The following SEC24B variants were observed in gnomAD, a reference collection of about 807,000 sequenced individuals.
SEC24B encodes the protein protein transport protein Sec24B.
SEC24B carries 45 observed loss-of-function variants against 142.8 expected under a neutral mutation model. That is an observed-to-expected ratio of 0.32 (90% CI 0.25 to 0.40). The LOEUF (loss-of-function observed/expected upper bound fraction) is 0.40, where lower values mean the gene tolerates loss of function less well. Among genes scored for constraint, SEC24B ranks in the 10% least tolerant of loss-of-function variants. SEC24B has a pLI of 1.00. For missense variants in SEC24B, 1,409 were observed against 1,526.8 expected, an observed-to-expected ratio of 0.92 and a Z score of 1.29; for synonymous variants, 574 against 568.2, an observed-to-expected ratio of 1.01 and a Z score of -0.15.
chr4:109,453,806 T>G (rs1730384669), intron 1 of SEC24B, among the ~76,000 whole-genome samples: 1 of 152,168 alleles, frequency 6.6e-6, no homozygotes, highest in Admixed American at 6.5e-5. Context: ...CTATGAGATC[T>G]TCACAATTTA....
intron 22 of SEC24B, among the ~76,000 whole-genome samples, chr4:109,535,316 A>C (rs771912977): frequency 6.6e-6 from 1 of 150,788 alleles, no homozygotes; most frequent in Non-Finnish European, 1.5e-5. Context: ...CACTTTGGGA[A>C]GCCTAGGTGG....
Position 109,492,152 on chromosome 4 carries a change from T to TAA in SEC24B, c.1246+758_1246+759dup, listed in dbSNP as rs373315850. ...AATTGAAGTTGGAATGTTCTATACTTAAAAAAAAAAAAAACCCATGCTATC... is the reference window on the plus strand; with the variant it reads ...AATTGAAGTTGGAATGTTCTATACTTAAAAAAAAAAAAAAAACCCATGCTATC... On this transcript the variant is annotated intron_variant, in intron 5 of 23. Coordinates refer to ENST00000265175, the MANE Select transcript of SEC24B (RefSeq NM_006323.5). Among the ~76,000 whole-genome samples, 446 of 142,236 alleles carry TAA rather than the reference T, an allele frequency of 3.1e-3. 3 individuals carry two copies. Among genetic ancestry groups the TAA allele is most frequent in the African/African-American group, 0.01 (403 of 39,332 alleles). The allele number at this position is 142,236 out of a possible 152,430, so 93.3% of individuals were successfully genotyped here. A position where few individuals can be genotyped will look rare whatever the true frequency, so the allele number is the denominator to read the frequency against.
intron 18 of SEC24B, among the ~76,000 whole-genome samples, chr4:109,528,283 G>T (rs1252906860): frequency 6.6e-6 from 1 of 151,982 alleles, no homozygotes; most frequent in African/African-American, 2.4e-5. Context: ...AAAATTAGCT[G>T]GGCGTGGTGC....
At position 109,539,938 on chromosome 4, in the gene SEC24B, C is replaced by T. The variant is rs1328007547; in HGVS notation, c.*263C>T. ...ACACATTTCCAGTAGTATGGCAGTA[C>T]AGTGCTCTGTTCATTGCAAGCTGGC... On this transcript the variant is annotated 3_prime_UTR_variant, in exon 24 of 24. Transcript: ENST00000265175. 3 of 378,128 alleles carry T rather than the reference C, an allele frequency of 7.9e-6. No homozygotes were observed. Among genetic ancestry groups the T allele is most frequent in the African/African-American group, 4.2e-5 (2 of 47,698 alleles). The allele number at this position is 378,128 out of a possible 1,614,324, so 23.4% of individuals were successfully genotyped here.
At chr4:109,457,993 G>A (rs1488453621) in intron 1 of SEC24B, among the ~76,000 whole-genome samples, 2 of 152,050 alleles carry the variant, frequency 1.3e-5, no homozygotes, top group Non-Finnish European at 2.9e-5. Flanking sequence ...TCTTTTAGCG[G>A]GCCACTCTTT....
At chr4:109,474,582 G>T (rs570168827) in intron 3 of SEC24B, among the ~76,000 whole-genome samples, 10 of 152,036 alleles carry the variant, frequency 6.6e-5, no homozygotes, top group Middle Eastern at 3.4e-3. Flanking sequence ...ACGCCACCTC[G>T]CCCTGCTAAT....
At chr4:109,436,562 G>A (rs1728427207) in intron 1 of SEC24B, among the ~76,000 whole-genome samples, 1 of 152,210 alleles carries the variant, frequency 6.6e-6, no homozygotes, top group Admixed American at 6.5e-5. Flanking sequence ...TAAAACCCTT[G>A]TAATTTCCTG....
intron 7 of SEC24B, among the ~76,000 whole-genome samples, chr4:109,509,215 C>G (rs1419250004): frequency 6.6e-6 from 1 of 152,104 alleles, no homozygotes; most frequent in Non-Finnish European, 1.5e-5. Context: ...GAAGCAGGAA[C>G]AAGCTTTTTG....
At position 109,433,995 on chromosome 4, in the gene SEC24B, G is replaced by C. The variant is rs1379241293; in HGVS notation, c.126G>C (p.Gln42His). 8.5e-7 allele frequency: 1 copy of C among 1,177,786 alleles called. No individual in the cohort carries two copies. The highest frequency in any genetic ancestry group is 1.6e-5 in the African/African-American group (1 of 61,892). The allele number at this position is 1,177,786 out of a possible 1,614,324, so 73.0% of individuals were successfully genotyped here. Reference protein sequence around the residue: ...AGPGAGPAPHQQNGPAQNQMQ... With the variant: ...AGPGAGPAPHHQNGPAQNQMQ... ...CGGGTGCGGGCCCGGCGCCGCACCA[G>C]CAGAACGGTGAGGCGGGCGGCCCGG... is the stretch of plus-strand genomic sequence containing the variant. Residue 42 changes from glutamine to histidine, a missense_variant, in exon 1 of 24, where the codon CAG becomes CAC. Gln to His is a conservative substitution (Grantham distance 24). Coordinates refer to ENST00000265175, the MANE Select transcript of SEC24B (RefSeq NM_006323.5).
chr4:109,443,922 G>T (rs1286229569), intron 1 of SEC24B, among the ~76,000 whole-genome samples: 2 of 152,108 alleles, frequency 1.3e-5, no homozygotes, highest in Admixed American at 6.6e-5. Flanking sequence ...GGGAGAGAGA[G>T]TAATGAAAGA....
At chr4:109,461,956 T>C (rs932326515) in intron 1 of SEC24B, among the ~76,000 whole-genome samples, 1 of 151,782 alleles carries the variant, frequency 6.6e-6, no homozygotes, top group Non-Finnish European at 1.5e-5. Flanking sequence ...AGAAAATAAA[T>C]TTAGAAACAT....
At chr4:109,538,678 A>G (rs1725825666) in intron 23 of SEC24B, 82 bp downstream of exon 23, 2 of 775,922 alleles carry the variant, frequency 2.6e-6, no homozygotes, top group Non-Finnish European at 2.2e-6. Flanking sequence ...CAAACTTTAA[A>G]TAGTAGCAAA....
In SEC24B at chr4:109,494,875, A is replaced by G. The variant is rs750673874; in HGVS notation, c.1488+19A>G. The G allele has an allele frequency of 6.2e-7, 1 of 1,612,806 alleles. No homozygotes were observed. Among genetic ancestry groups the G allele is most frequent in the Non-Finnish European group, 8.5e-7 (1 of 1,178,872 alleles). The stretch of plus-strand genomic sequence containing the variant: ...TCCTCAAGTATGTATTCAGTCATAT[A>G]CACACATTGTAACAGTTATAAAACT... On this transcript the variant is annotated intron_variant, in intron 6 of 23. Coordinates refer to ENST00000265175, the MANE Select transcript of SEC24B (RefSeq NM_006323.5).
chr4:109,527,378 G>C lies in SEC24B; in HGVS notation c.3022G>C (p.Asp1008His). Residue 1008 changes from aspartate to histidine, a missense_variant, in exon 18 of 24, where the codon GAT becomes CAT. Physicochemically the swap from Asp to His is moderately conservative, Grantham distance 81. Coordinates refer to ENST00000265175, the MANE Select transcript of SEC24B (RefSeq NM_006323.5). ...TTTGCCAGTGGTAAGTTCACTAGCAGATGTATATGCGGGAGTGGATGTACA... is the reference window on the plus strand; with the variant it reads ...TTTGCCAGTGGTAAGTTCACTAGCACATGTATATGCGGGAGTGGATGTACA... ...LCLPVVSSLADVYAGVDVQAA... is the reference protein window; with the variant it reads ...LCLPVVSSLAHVYAGVDVQAA... 6.2e-7 allele frequency: 1 copy of C among 1,613,934 alleles called. No homozygotes were observed. The highest frequency in any genetic ancestry group is 8.5e-7 in the Non-Finnish European group (1 of 1,179,874).
At chr4:109,452,581 A>G (rs888948224) in intron 1 of SEC24B, among the ~76,000 whole-genome samples, 1 of 152,214 alleles carries the variant, frequency 6.6e-6, no homozygotes, top group African/African-American at 2.4e-5. Flanking sequence ...CTTTGCCAGC[A>G]TTTGATATTT....
chr4:109,488,465 A>C (rs79599569), intron 4 of SEC24B, among the ~76,000 whole-genome samples: 2,332 of 152,266 alleles, frequency 0.015, 42 homozygotes, highest in African/African-American at 0.04. Context: ...TTGTTACCAA[A>C]AAATATTCCA....
At chr4:109,526,021 A>G (rs984265494) in intron 16 of SEC24B, among the ~76,000 whole-genome samples, 3 of 152,192 alleles carry the variant, frequency 2.0e-5, no homozygotes, top group Non-Finnish European at 4.4e-5. Context: ...TGTCAATACA[A>G]GTGAAATGTA....
intron 1 of SEC24B, among the ~76,000 whole-genome samples, chr4:109,452,448 A>T (rs1171676394): frequency 1.3e-5 from 2 of 152,200 alleles, no homozygotes; most frequent in African/African-American, 4.8e-5. Context: ...CTACAGTGGG[A>T]CTGTTGGGTT....
At chr4:109,494,472 C>A in intron 5 of SEC24B, 143 bp from the exon 6 acceptor site, 1 of 892,984 alleles carries the variant, frequency 1.1e-6, no homozygotes, top group Non-Finnish European at 1.7e-6. Flanking sequence ...ATTCCCCCTA[C>A]TTTGTGTGTG....
Sources: allele counts gnomAD v4.1 joint callset (sites outside exome capture counted in the v4.1 genomes callset), GRCh38; gene constraint gnomAD v4.1.1; transcripts MANE v1.5; gene names NCBI Gene and HGNC (gene_info 2026-07-23, HGNC 2026-07-21).